The following PIK3C2G variants were observed in gnomAD, a reference collection of about 807,000 sequenced individuals.
PIK3C2G encodes the protein phosphatidylinositol-4-phosphate 3-kinase catalytic subunit type 2 gamma.
In PIK3C2G, 168 loss-of-function variants were observed where a neutral mutation model predicts 181.1. The observed-to-expected ratio is 0.93, with a 90% CI of 0.82 to 1.05. The LOEUF (loss-of-function observed/expected upper bound fraction) is 1.05, where lower values mean the gene tolerates loss of function less well. PIK3C2G is among the 50% of genes least tolerant of loss of function. The probability of loss-of-function intolerance (pLI) is 0.00; values close to 1 mark genes in which losing one functional copy is unlikely to be tolerated. For synonymous variants in PIK3C2G, 573 were observed against 592.2 expected, an observed-to-expected ratio of 0.97 and a Z score of 0.47; for missense variants, 1,869 against 1,732.8, an observed-to-expected ratio of 1.08 and a Z score of -1.40.
chr12:18,683,350 G>T, the PIK3C2G span: 2 of 1,603,412 alleles, frequency 1.2e-6, no homozygotes, highest in South Asian at 1.1e-5. Context: ...TATCTAATTA[G>T]ACCAATAACC....
chr12:18,500,764 G>C (rs769534603), intron 22 of PIK3C2G, among the ~76,000 whole-genome samples: 4 of 152,122 alleles, frequency 2.6e-5, no homozygotes, highest in Non-Finnish European at 4.4e-5. Context: ...GCCAGCAGTG[G>C]CAACCCACTC....
chr12:18,322,393 T>A (rs566860557), intron 7 of PIK3C2G, among the ~76,000 whole-genome samples: 5,572 of 147,174 alleles, frequency 0.038, 382 homozygotes, highest in African/African-American at 0.13. Context: ...AAAAAAAAAA[T>A]AATAATTAAT....
chr12:18,494,137 T>C (rs1940810229), intron 20 of PIK3C2G, among the ~76,000 whole-genome samples: 1 of 152,200 alleles, frequency 6.6e-6, no homozygotes, highest in Admixed American at 6.5e-5. Flanking sequence ...ACCATCTCCA[T>C]AAAATCCTCC....
intron 1 of PIK3C2G, among the ~76,000 whole-genome samples, chr12:18,281,268 C>CAAAAA (rs59791930): frequency 6.8e-5 from 5 of 73,736 alleles, no homozygotes; most frequent in Non-Finnish European, 7.8e-5. Context: ...GCATAATAGG[C>CAAAAA]AAAAAAAAAA....
chr12:18,547,600 G>A (rs564592279), intron 26 of PIK3C2G, among the ~76,000 whole-genome samples: 2 of 151,876 alleles, frequency 1.3e-5, no homozygotes. Flanking sequence ...CTCAATATTG[G>A]AAATTATATG....
chr12:18,317,779 T>C (rs1950932566), intron 6 of PIK3C2G, among the ~76,000 whole-genome samples: 2 of 152,228 alleles, frequency 1.3e-5, no homozygotes, highest in South Asian at 2.1e-4. Flanking sequence ...GGTTTCATAT[T>C]GCTGTATTTC....
intron 1 of PIK3C2G, among the ~76,000 whole-genome samples, chr12:18,253,215 A>G (rs1057494710): frequency 1.3e-5 from 2 of 152,300 alleles, no homozygotes; most frequent in Middle Eastern, 3.4e-3. Flanking sequence ...TCCTTGTTGC[A>G]TCAGCTTTGT....
the PIK3C2G span, among the ~76,000 whole-genome samples, chr12:18,658,910 A>AT: frequency 3.7e-4 from 57 of 152,054 alleles, no homozygotes; most frequent in African/African-American, 8.9e-4. Context: ...AGATTTTTGT[A>AT]TTTTTTTTGT....
chr12:18,244,095 A>G (rs1452311853), upstream of PIK3C2G, among the ~76,000 whole-genome samples: 1 of 151,996 alleles, frequency 6.6e-6, no homozygotes, highest in Non-Finnish European at 1.5e-5. Flanking sequence ...GATTAAAAAT[A>G]CATTAGTTGT....
intron 18 of PIK3C2G, among the ~76,000 whole-genome samples, chr12:18,441,099 A>G (rs1196478881): frequency 6.6e-6 from 1 of 152,164 alleles, no homozygotes; most frequent in Non-Finnish European, 1.5e-5. Flanking sequence ...TAAAATATAA[A>G]CCAAGTGAGC....
the PIK3C2G span, among the ~76,000 whole-genome samples, chr12:18,680,881 T>A: frequency 2.0e-5 from 3 of 152,066 alleles, no homozygotes; most frequent in Non-Finnish European, 4.4e-5. Context: ...GGGTCAATTC[T>A]ATGATTGGAG....
At chr12:18,598,809 C>CA in intron 30 of PIK3C2G, among the ~76,000 whole-genome samples, 1 of 151,312 alleles carries the variant, frequency 6.6e-6, no homozygotes, top group South Asian at 2.1e-4. Context: ...CAAGAAAAAA[C>CA]AAACAACCCC....
chr12:18,395,006 CT>C (rs1350684049), intron 15 of PIK3C2G, among the ~76,000 whole-genome samples: 38 of 146,242 alleles, frequency 2.6e-4, no homozygotes, highest in African/African-American at 8.8e-4. Context: ...CTTTCTCTTT[CT>C]TTCTTCTTTT....
intron 18 of PIK3C2G, among the ~76,000 whole-genome samples, chr12:18,465,241 T>C (rs1394043169): frequency 1.3e-5 from 2 of 151,964 alleles, no homozygotes; most frequent in Admixed American, 6.6e-5. Flanking sequence ...GCGTACTTTA[T>C]GTGTGTTTCC....
chr12:18,344,862 T>G (rs1335204931), intron 10 of PIK3C2G, among the ~76,000 whole-genome samples: 3 of 152,132 alleles, frequency 2.0e-5, no homozygotes, highest in Non-Finnish European at 4.4e-5. Context: ...GATGATGTTA[T>G]TTGAAATGTA....
At chr12:18,593,130 T>C (rs1173954024) in intron 29 of PIK3C2G, among the ~76,000 whole-genome samples, 1 of 151,916 alleles carries the variant, frequency 6.6e-6, no homozygotes, top group East Asian at 1.9e-4. Context: ...CCTCTTTTTA[T>C]AAAGACACCA....
intron 8 of PIK3C2G, 50 bp downstream of exon 8, chr12:18,325,148 C>A: frequency 2.0e-6 from 2 of 1,016,098 alleles, no homozygotes; most frequent in Admixed American, 2.4e-5. Flanking sequence ...GTTTTTAACG[C>A]ATCTACTATT....
chr12:18,462,366 G>C (rs1947965311), intron 18 of PIK3C2G, among the ~76,000 whole-genome samples: 1 of 152,050 alleles, frequency 6.6e-6, no homozygotes, highest in Non-Finnish European at 1.5e-5. Context: ...AAAAGATATA[G>C]CTAATGCACT....
chr12:18,305,332 C>T (rs1054306255), intron 5 of PIK3C2G, among the ~76,000 whole-genome samples: 2 of 131,994 alleles, frequency 1.5e-5, no homozygotes, highest in South Asian at 2.4e-4. Flanking sequence ...ATATTTCAGC[C>T]CCAAGTTTTT....
Sources: gnomAD v4.1 joint callset for allele counts (sites outside exome capture counted in the v4.1 genomes callset) on GRCh38, gnomAD v4.1.1 for gene constraint, MANE v1.5 for transcripts, NCBI Gene and HGNC (gene_info 2026-07-23, HGNC 2026-07-21) for gene names.